Variants in ABCC9 observed in about 807,000 individuals in gnomAD.
ABCC9 encodes the protein ATP-binding cassette sub-family C member 9.
A neutral mutation model predicts 188.3 loss-of-function variants in ABCC9; 95 were observed. The observed-to-expected ratio is 0.50, with a 90% CI of 0.43 to 0.60. The LOEUF is 0.60. ABCC9 is among the 20% of genes least tolerant of loss of function. The pLI, the probability that ABCC9 is intolerant of heterozygous loss-of-function variation, is 0.00. For synonymous variants in ABCC9, 659 were observed against 652.7 expected (o/e 1.01, Z -0.15); for missense variants, 1,102 against 1,876.3 (o/e 0.59, Z 7.62).
chr12:21,925,334 A>G, intron 5 of ABCC9: 1 of 545,932 alleles, frequency 1.8e-6, no homozygotes, highest in South Asian at 2.8e-5. Flanking sequence ...CCACAGAACA[A>G]GGAAGCAAGA....
At position 21,817,194 on chromosome 12, in the gene ABCC9, GC is replaced by G; in HGVS notation, c.3884del (p.Gly1295AlafsTer31). 1 of 1,613,426 alleles carries G rather than the reference GC, an allele frequency of 6.2e-7. No individual in the cohort carries two copies. The highest frequency in any genetic ancestry group is 8.5e-7 in the Non-Finnish European group (1 of 1,179,576). ...FLTMESENYEGTMDPSQVPEH... is the reference protein window; with the variant it reads ...FLTMESENYEXTMDPSQVPEH... ...CAATATTTAGAGCAATACCCATTGT[GC>G]CTTCATAGTTCTCTGACTCCATAGT... On this transcript the variant is annotated frameshift_variant, in exon 33 of 40. Transcript: ENST00000261200. LOFTEE classifies it high-confidence loss of function.
chr12:21,846,756 G>T (rs888031659), intron 25 of ABCC9, among the ~76,000 whole-genome samples: 2 of 152,092 alleles, frequency 1.3e-5, no homozygotes, highest in African/African-American at 4.8e-5. Flanking sequence ...GATCAAAGAG[G>T]TGGACACTTG....
intron 19 of ABCC9, among the ~76,000 whole-genome samples, chr12:21,863,661 C>G (rs1388162534): frequency 6.6e-6 from 1 of 152,098 alleles, no homozygotes; most frequent in Non-Finnish European, 1.5e-5. Flanking sequence ...CTACCTCCCC[C>G]CTTTTGACTT....
chr12:21,858,347 G>A (rs1471942774), intron 22 of ABCC9, among the ~76,000 whole-genome samples: 1 of 152,008 alleles, frequency 6.6e-6, no homozygotes, highest in Non-Finnish European at 1.5e-5. Context: ...GTAGAGGCAG[G>A]TGGATCACTT....
At position 21,815,983 on chromosome 12, in the gene ABCC9, A is replaced by G. The variant is rs540691737; in HGVS notation, c.3893-90T>C. 3.0e-4 allele frequency: 213 copies of G among 707,796 alleles called. 1 individual carries two copies. Among genetic ancestry groups the G allele is most frequent in the South Asian group, 1.6e-3 (54 of 34,034 alleles). 43.8% of individuals were successfully genotyped at this position (707,796 alleles called of 1,614,324 possible). A position where few individuals can be genotyped will look rare whatever the true frequency, so the allele number is the denominator to read the frequency against. ...TATACATACTTAAATACATTTATAC[A>G]TATATATATATTTTTCTAAATTTAA... On this transcript the variant is annotated intron_variant, in intron 33 of 39. Coordinates refer to ENST00000261200, the MANE Select transcript of ABCC9 (RefSeq NM_020297.4).
At chr12:21,918,808 T>C (rs992181860) in intron 5 of ABCC9, among the ~76,000 whole-genome samples, 3 of 151,980 alleles carry the variant, frequency 2.0e-5, no homozygotes, top group Non-Finnish European at 4.4e-5. Context: ...CAGGCACAGG[T>C]CCTACTCACA....
At chr12:21,878,580 A>G (rs946465856) in intron 16 of ABCC9, among the ~76,000 whole-genome samples, 2 of 152,192 alleles carry the variant, frequency 1.3e-5, no homozygotes, top group Admixed American at 6.5e-5. Context: ...ATACAAAGAC[A>G]GAACGGTGGA....
At position 21,939,165 on chromosome 12, in the gene ABCC9, G is replaced by A. The variant is rs550229104; in HGVS notation, c.-21+1545C>T. On this transcript the variant is annotated intron_variant, in intron 2 of 39. Coordinates refer to ENST00000261200, the MANE Select transcript of ABCC9 (RefSeq NM_020297.4). ...TAAACTTCAAGTTGGTACAGTAAAC[G>A]CTTTAGAACGATTTTTCTGTCTGCC... Among the ~76,000 whole-genome samples, 13 of 152,234 alleles carry A rather than the reference G, an allele frequency of 8.5e-5. No individual in the cohort carries two copies. In the South Asian group the frequency reaches 2.3e-3, roughly 27 times the overall value.
chr12:21,875,342 C>T (rs1946288271), intron 17 of ABCC9, among the ~76,000 whole-genome samples: 2 of 152,268 alleles, frequency 1.3e-5, no homozygotes, highest in Non-Finnish European at 1.5e-5. Flanking sequence ...ATAAGTTTCT[C>T]ATATACTCTT....
intron 35 of ABCC9, among the ~76,000 whole-genome samples, chr12:21,813,775 A>G (rs1475296238): frequency 1.3e-5 from 2 of 152,210 alleles, no homozygotes; most frequent in African/African-American, 2.4e-5. Flanking sequence ...TATATTTACT[A>G]TAGTTCCATG....
intron 22 of ABCC9, among the ~76,000 whole-genome samples, chr12:21,856,230 C>T (rs1247626796): frequency 1.3e-5 from 2 of 151,984 alleles, no homozygotes; most frequent in Non-Finnish European, 2.9e-5. Context: ...AGAAACATGT[C>T]TCCAGATTCA....
At chr12:21,891,099 A>G (rs1361697721) in intron 14 of ABCC9, among the ~76,000 whole-genome samples, 1 of 152,110 alleles carries the variant, frequency 6.6e-6, no homozygotes, top group African/African-American at 2.4e-5. Flanking sequence ...AACCCACCAT[A>G]CAGTAATTAG....
intron 18 of ABCC9, among the ~76,000 whole-genome samples, chr12:21,867,094 A>C (rs1296072413): frequency 6.6e-6 from 1 of 152,112 alleles, no homozygotes; most frequent in Non-Finnish European, 1.5e-5. Flanking sequence ...TCAGAGAAAG[A>C]AAAAAAGAGG....
intron 24 of ABCC9, among the ~76,000 whole-genome samples, chr12:21,849,912 T>C (rs140880960): frequency 6.6e-6 from 1 of 152,260 alleles, no homozygotes; most frequent in East Asian, 1.9e-4. Flanking sequence ...CTCTCCTTTG[T>C]AGTTTTCATT....
rs1392861824 is a variant in ABCC9 at position 21,882,834 on chromosome 12, G to A, written c.1951C>T (p.His651Tyr). Residue 651 changes from histidine (H) to tyrosine (Y), a missense_variant, in exon 16 of 40, where the codon CAC becomes TAC. This residue lies in a region of ABCC9 where 258 missense variants were observed against 325.6 expected (regional missense o/e 0.79). Transcript: ENST00000261200. ...TINRKQPGRY[H>Y]LDSYEQSTRR... Reference sequence around the variant, plus strand: ...GTTGATTGCTCATAGCTGTCCAGGTGATATCTTCCAGGCTGTTTCCTGTTT... The same window carrying A: ...GTTGATTGCTCATAGCTGTCCAGGTAATATCTTCCAGGCTGTTTCCTGTTT... The A allele has an allele frequency of 3.7e-6, 6 of 1,613,998 alleles. No homozygotes were observed. The highest frequency in any genetic ancestry group is 4.2e-6 in the Non-Finnish European group (5 of 1,179,942).
chr12:21,801,284 C>G, intron 39 of ABCC9, 103 bp from the exon 40 acceptor site: 1 of 1,476,390 alleles, frequency 6.8e-7, no homozygotes, highest in East Asian at 2.3e-5. Flanking sequence ...ATTTGTTTAT[C>G]TTGGTGAGTG....
At position 21,799,033 on chromosome 12, in the gene ABCC9, T is replaced by A. The variant is rs1369474077; in HGVS notation, c.*2011A>T. The A allele has an allele frequency of 2.9e-5, 4 of 138,362 alleles. No homozygotes were observed. The highest frequency in any genetic ancestry group is 6.2e-5 in the Non-Finnish European group (4 of 64,764). 8.6% of individuals were successfully genotyped at this position (138,362 alleles called of 1,614,324 possible). A position where few individuals can be genotyped will look rare whatever the true frequency, so the allele number is the denominator to read the frequency against. On this transcript the variant is annotated 3_prime_UTR_variant, in exon 40 of 40. Coordinates refer to ENST00000261200, the MANE Select transcript of ABCC9 (RefSeq NM_020297.4). Reference sequence around the variant, plus strand: ...AACACCGCATATTCTCACTCATAGGTGGGAATTGAACAATGAGATCACATG... The same window carrying A: ...AACACCGCATATTCTCACTCATAGGAGGGAATTGAACAATGAGATCACATG...
intron 3 of ABCC9, among the ~76,000 whole-genome samples, chr12:21,934,518 T>C (rs1408251394): frequency 6.6e-6 from 1 of 152,058 alleles, no homozygotes; most frequent in Non-Finnish European, 1.5e-5. Flanking sequence ...CCATTATAGG[T>C]CCACCGTTAG....
intron 14 of ABCC9, among the ~76,000 whole-genome samples, chr12:21,891,033 C>T (rs906352787): frequency 6.6e-6 from 1 of 151,958 alleles, no homozygotes; most frequent in Non-Finnish European, 1.5e-5. Context: ...CTCTCAAAAA[C>T]TTCAAGGATG....
Sources: allele counts gnomAD v4.1 joint callset (sites outside exome capture counted in the v4.1 genomes callset), GRCh38; gene constraint gnomAD v4.1.1; regional missense constraint gnomAD v4.1.1; transcripts MANE v1.5; gene names NCBI Gene and HGNC (gene_info 2026-07-23, HGNC 2026-07-21).